ASB13: variants seen among roughly 807,000 people sequenced by gnomAD.
ASB13 encodes ankyrin repeat and SOCS box protein 13.
ASB13 carries 33 observed loss-of-function variants against 28.8 expected under a neutral mutation model. That is an observed-to-expected ratio of 1.15 (90% CI 0.87 to 1.53). ASB13 has a LOEUF of 1.53. ASB13 is among the 40% of genes most tolerant of loss of function. The pLI, the probability that ASB13 is intolerant of heterozygous loss-of-function variation, is 0.00. For synonymous variants in ASB13, 182 were observed against 172.9 expected, an observed-to-expected ratio of 1.05 and a Z score of -0.41; for missense variants, 414 against 390.1, an observed-to-expected ratio of 1.06 and a Z score of -0.52.
At chr10:5,657,756 A>G (rs1835095354) in intron 1 of ASB13, among the ~76,000 whole-genome samples, 1 of 152,226 alleles carries the variant, frequency 6.6e-6, no homozygotes, top group African/African-American at 2.4e-5. Flanking sequence ...TCAACAATCC[A>G]AGTGTCCAGT....
rs1835209344 is a variant in ASB13, at chr10:5,663,677, G to T, written c.43+2832C>A. On this transcript the variant is annotated intron_variant, in intron 1 of 5. Coordinates refer to ENST00000357700, the MANE Select transcript of ASB13 (RefSeq NM_024701.4). This position sits in a 1 kb window ranked among gnomAD's most constrained non-coding sequence, Gnocchi z 4.9. ...TGCCGAGTCGAGGAGGAGGATAGAG[G>T]TACTGTTTTGCCCATAAACATGCTT... is the stretch of plus-strand genomic sequence containing the variant. 6.6e-6 allele frequency among the ~76,000 whole-genome samples: 1 copy of T among 152,170 alleles called. No homozygotes were observed. The highest frequency in any genetic ancestry group is 1.5e-5 in the Non-Finnish European group (1 of 68,036).
chr10:5,666,471 C>G (rs56178329), intron 1 of ASB13, 38 bp downstream of exon 1: 318,211 of 1,282,222 alleles, frequency 0.25, 41,025 homozygotes, highest in Middle Eastern at 0.33. Context: ...GAGCCGGCGC[C>G]GCTGCCTCGC....
chr10:5,651,235 G>C lies in ASB13; in HGVS notation c.360C>G (p.Pro120=), dbSNP rs200283487. The C allele has an allele frequency of 4.0e-5, 64 of 1,612,854 alleles. No homozygotes were observed. Among genetic ancestry groups the C allele is most frequent in the Non-Finnish European group, 5.1e-5 (60 of 1,179,396 alleles). Residue 120 remains proline, a synonymous_variant, in exon 3 of 6, where the codon CCC becomes CCG. Transcript: ENST00000357700. The surrounding 1 kb of genome is among the most constrained non-coding windows in gnomAD (Gnocchi z 5.1). The part of the protein sequence containing the change: ...KVNPPLYTAS[P]LHEACMSGSS... Reference sequence around the variant, plus strand: ...CACCGCTCATGCAGGCCTCGTGCAGGGGGGACGCTGTGTACAGGGGAGGGT... The same window carrying C: ...CACCGCTCATGCAGGCCTCGTGCAGCGGGGACGCTGTGTACAGGGGAGGGT...
chr10:5,642,475 A>G lies in ASB13; in HGVS notation c.518-514T>C. The G allele has an allele frequency of 1.7e-6, 2 of 1,195,964 alleles. No individual in the cohort carries two copies. Among genetic ancestry groups the G allele is most frequent in the South Asian group, 3.1e-5 (2 of 64,450 alleles). The allele number at this position is 1,195,964 out of a possible 1,614,324, so 74.1% of individuals were successfully genotyped here. A position where few individuals can be genotyped will look rare whatever the true frequency, so the allele number is the denominator to read the frequency against. ...CAAAAGGAAAACAGATAACGTACCC[A>G]AAACAGTAGGCAATTCAGAGAAGAG... On this transcript the variant is annotated intron_variant, in intron 4 of 5. Coordinates refer to ENST00000357700, the MANE Select transcript of ASB13 (RefSeq NM_024701.4). This position sits in a 1 kb window ranked among gnomAD's most constrained non-coding sequence, Gnocchi z 4.1.
At position 5,642,160 on chromosome 10, in the gene ASB13, G is replaced by A. The variant is rs1246768842; in HGVS notation, c.518-199C>T. Among the ~76,000 whole-genome samples, 1 of 152,150 alleles carries A rather than the reference G, an allele frequency of 6.6e-6. No individual in the cohort carries two copies. The highest frequency in any genetic ancestry group is 1.5e-5 in the Non-Finnish European group (1 of 68,022). On this transcript the variant is annotated intron_variant, in intron 4 of 5. Coordinates refer to ENST00000357700, the MANE Select transcript of ASB13 (RefSeq NM_024701.4). The surrounding 1 kb of genome is among the most constrained non-coding windows in gnomAD (Gnocchi z 4.1). Reference sequence around the variant, plus strand: ...GGAACTACTTACTGTCCCCACTCATGAGAGATAAAGGTAGGCAGCAATAAT... The same window carrying A: ...GGAACTACTTACTGTCCCCACTCATAAGAGATAAAGGTAGGCAGCAATAAT...
rs1425638055 is a variant in ASB13, at chr10:5,645,008, A to G, written c.518-3047T>C. Among the ~76,000 whole-genome samples, 2 of 152,174 alleles carry G rather than the reference A, an allele frequency of 1.3e-5. No individual in the cohort carries two copies. Among genetic ancestry groups the G allele is most frequent in the Non-Finnish European group, 2.9e-5 (2 of 68,024 alleles). On this transcript the variant is annotated intron_variant, in intron 4 of 5. Transcript: ENST00000357700. This position sits in a 1 kb window ranked among gnomAD's most constrained non-coding sequence, Gnocchi z 5.4. The stretch of plus-strand genomic sequence containing the variant: ...AGAGAGACAAAGACAGGGAGCCAGG[A>G]AACAAGCAGGGAATTAAAAGCTCTG...
rs1835147309 is a variant in ASB13 at position 5,660,794 on chromosome 10, A to C, written c.43+5715T>G. Among the ~76,000 whole-genome samples the C allele has an allele frequency of 6.6e-6, 1 of 152,128 alleles. No individual in the cohort carries two copies. Among genetic ancestry groups the C allele is most frequent in the African/African-American group, 2.4e-5 (1 of 41,516 alleles). ...AGCTCCAGTAACTCAATCCTTACCT[A>C]AGTCGGGTGACTGATTGAGTCTCTG... On this transcript the variant is annotated intron_variant, in intron 1 of 5. Coordinates refer to ENST00000357700, the MANE Select transcript of ASB13 (RefSeq NM_024701.4). The surrounding 1 kb of genome is among the most constrained non-coding windows in gnomAD (Gnocchi z 6.1).
chr10:5,647,482 G>C (rs1834903011), intron 4 of ASB13, among the ~76,000 whole-genome samples: 1 of 152,122 alleles, frequency 6.6e-6, no homozygotes, highest in African/African-American at 2.4e-5. Context: ...TCTCAATCCT[G>C]AGTCTTTTCG....
At chr10:5,646,416 C>T (rs1222417384) in intron 4 of ASB13, among the ~76,000 whole-genome samples, 1 of 152,210 alleles carries the variant, frequency 6.6e-6, no homozygotes, top group Admixed American at 6.5e-5. Context: ...TTTTCCACTC[C>T]GCTGAAAGAG....
At position 5,640,580 on chromosome 10, in the gene ASB13, G is replaced by C; in HGVS notation, c.*123C>G. The C allele has an allele frequency of 7.2e-6, 9 of 1,256,798 alleles. No individual in the cohort carries two copies. Among genetic ancestry groups the C allele is most frequent in the Non-Finnish European group, 1.0e-5 (9 of 893,142 alleles). 77.9% of individuals were successfully genotyped at this position (1,256,798 alleles called of 1,614,324 possible). A position where few individuals can be genotyped will look rare whatever the true frequency, so the allele number is the denominator to read the frequency against. On this transcript the variant is annotated 3_prime_UTR_variant, in exon 6 of 6. Transcript: ENST00000357700. ...AGAAGCCTAAACAGGATCGCAGGAA[G>C]GGACTCGAAGGAGCGTTGTTCTATC...
intron 4 of ASB13, among the ~76,000 whole-genome samples, chr10:5,643,924 T>A (rs1054669453): frequency 6.6e-6 from 1 of 152,176 alleles, no homozygotes; most frequent in African/African-American, 2.4e-5. Flanking sequence ...AAAATCACGC[T>A]CCCTGCCACG....
intron 4 of ASB13, among the ~76,000 whole-genome samples, chr10:5,648,546 C>T (rs1170678026): frequency 1.4e-5 from 2 of 148,044 alleles, no homozygotes; most frequent in Admixed American, 1.3e-4. Context: ...AGGTAAACAC[C>T]CACTCAGGTA....
In ASB13 at chr10:5,658,401, G is replaced by A. The variant is rs1412172899; in HGVS notation, c.44-5351C>T. Reference sequence around the variant, plus strand: ...AGCCAAAATCGTGCCATTGCACTACGGCCTGGGTGACTTTGTCTGAAAAAA... The same window carrying A: ...AGCCAAAATCGTGCCATTGCACTACAGCCTGGGTGACTTTGTCTGAAAAAA... On this transcript the variant is annotated intron_variant, in intron 1 of 5. Transcript: ENST00000357700. The surrounding 1 kb of genome is among the most constrained non-coding windows in gnomAD (Gnocchi z 4.2). Among the ~76,000 whole-genome samples the A allele has an allele frequency of 2.0e-5, 3 of 151,372 alleles. No homozygotes were observed. The highest frequency in any genetic ancestry group is 2.9e-5 in the Non-Finnish European group (2 of 67,904).
rs1835081749 is a variant in ASB13 at position 5,656,737 on chromosome 10, T to C, written c.44-3687A>G. Among the ~76,000 whole-genome samples the C allele has an allele frequency of 6.6e-6, 1 of 152,216 alleles. No homozygotes were observed. Among genetic ancestry groups the C allele is most frequent in the Non-Finnish European group, 1.5e-5 (1 of 68,046 alleles). On this transcript the variant is annotated intron_variant, in intron 1 of 5. Transcript: ENST00000357700. The surrounding 1 kb of genome is among the most constrained non-coding windows in gnomAD (Gnocchi z 4.3). ...ATGTAAACAACTAGCTATGTTTTGT[T>C]AAAGATTTATAGGAGCACTGCGACC...
chr10:5,663,815 G>A lies in ASB13; in HGVS notation c.43+2694C>T, dbSNP rs1249175950. ...ATTCCTATTTTAGGATAAAATAGCC[G>A]CCCACTCCAAGTAACTCTCTACCCT... On this transcript the variant is annotated intron_variant, in intron 1 of 5. Coordinates refer to ENST00000357700, the MANE Select transcript of ASB13 (RefSeq NM_024701.4). This position sits in a 1 kb window ranked among gnomAD's most constrained non-coding sequence, Gnocchi z 4.9. 2.6e-5 allele frequency among the ~76,000 whole-genome samples: 4 copies of A among 151,972 alleles called. No individual in the cohort carries two copies. The highest frequency in any genetic ancestry group is 4.4e-5 in the Non-Finnish European group (3 of 67,988).
rs1834791422 is a variant in ASB13, at chr10:5,640,533, A to C, written c.*170T>G. 1 of 846,280 alleles carries C rather than the reference A, an allele frequency of 1.2e-6. No homozygotes were observed. The highest frequency in any genetic ancestry group is 1.7e-5 in the African/African-American group (1 of 58,616). 52.4% of individuals were successfully genotyped at this position (846,280 alleles called of 1,614,324 possible). On this transcript the variant is annotated 3_prime_UTR_variant, in exon 6 of 6. Coordinates refer to ENST00000357700, the MANE Select transcript of ASB13 (RefSeq NM_024701.4). ...ACGCAGGCCTTCCCAACACCCTGGA[A>C]ACATTATCCAGGATCCAGGAGAGAA...
In ASB13 at chr10:5,645,723, G is replaced by A. The variant is rs79820953; in HGVS notation, c.517+3247C>T. Among the ~76,000 whole-genome samples, 6,328 of 152,224 alleles carry A rather than the reference G, an allele frequency of 0.042. 408 individuals are homozygous for A. The highest frequency in any genetic ancestry group is 0.2 in the Admixed American group (3,059 of 15,286). ...GAATTTGGCAAAGTTTGGGCAAAGG[G>A]ACTGGGGAGGGGTGCAGGAAAAGGG... On this transcript the variant is annotated intron_variant, in intron 4 of 5. Coordinates refer to ENST00000357700, the MANE Select transcript of ASB13 (RefSeq NM_024701.4). This position sits in a 1 kb window ranked among gnomAD's most constrained non-coding sequence, Gnocchi z 5.4.
At position 5,658,464 on chromosome 10, in the gene ASB13, G is replaced by A. The variant is rs574308139; in HGVS notation, c.44-5414C>T. 6.6e-6 allele frequency among the ~76,000 whole-genome samples: 1 copy of A among 151,682 alleles called. No individual in the cohort carries two copies. The highest frequency in any genetic ancestry group is 1.9e-4 in the East Asian group (1 of 5,142). Reference sequence around the variant, plus strand: ...AAACCAAATAAGCCATTTCTGAAAAGCCAAATACTGTATGATTCCACTTAT... The same window carrying A: ...AAACCAAATAAGCCATTTCTGAAAAACCAAATACTGTATGATTCCACTTAT... On this transcript the variant is annotated intron_variant, in intron 1 of 5. Transcript: ENST00000357700. The surrounding 1 kb of genome is among the most constrained non-coding windows in gnomAD (Gnocchi z 4.2).
Position 5,650,324 on chromosome 10 carries a change from A to T in ASB13, c.382+889T>A, listed in dbSNP as rs1388725312. 3.3e-5 allele frequency among the ~76,000 whole-genome samples: 5 copies of T among 152,182 alleles called. No individual in the cohort carries two copies. Among genetic ancestry groups the T allele is most frequent in the Middle Eastern group, 3.2e-3 (1 of 316 alleles). On this transcript the variant is annotated intron_variant, in intron 3 of 5. Coordinates refer to ENST00000357700, the MANE Select transcript of ASB13 (RefSeq NM_024701.4). The surrounding 1 kb of genome is among the most constrained non-coding windows in gnomAD (Gnocchi z 6.0). The stretch of plus-strand genomic sequence containing the variant: ...GAGGACCACTAAATGAACCTTCCCC[A>T]AATTCTGTTTTCCTGACCCTCGACA...
Sources: allele counts gnomAD v4.1 joint callset (sites outside exome capture counted in the v4.1 genomes callset), GRCh38; gene constraint gnomAD v4.1.1; non-coding constraint Gnocchi (gnomAD v3.1); transcripts MANE v1.5; gene names NCBI Gene and HGNC (gene_info 2026-07-23, HGNC 2026-07-21).